The following LINGO2 variants were observed in gnomAD, a reference collection of about 807,000 sequenced individuals.
The protein encoded by LINGO2 is leucine rich repeat and Ig domain containing 2, also known as leucine-rich repeat and immunoglobulin-like domain-containing nogo receptor-interacting protein 2.
Under a neutral mutation model 30.6 loss-of-function variants are expected in LINGO2, and 14 were observed. The ratio of observed to expected loss-of-function variants is 0.46; its 90% confidence interval spans 0.30 to 0.72. The LOEUF is 0.72. LINGO2 is among the 30% of genes least tolerant of loss of function. LINGO2 has a pLI of 0.07. For synonymous variants in LINGO2, 317 were observed against 288.5 expected, an observed-to-expected ratio of 1.10 and a Z score of -1.00; for missense variants, 729 against 751.7, an observed-to-expected ratio of 0.97 and a Z score of 0.35.
intron 4 of LINGO2, among the ~76,000 whole-genome samples, chr9:28,189,308 GAA>G: frequency 1.8e-4 from 8 of 44,234 alleles, no homozygotes; most frequent in African/African-American, 2.8e-4. Flanking sequence ...AGGAAGGGAG[GAA>G]GGAAGGAAGG....
At chr9:29,055,913 A>G in the LINGO2 span, among the ~76,000 whole-genome samples, 1 of 81,968 alleles carries the variant, frequency 1.2e-5, no homozygotes, top group African/African-American at 4.4e-5. Context: ...TTTATGGCCG[A>G]GTAGTATCCC....
intron 3 of LINGO2, among the ~76,000 whole-genome samples, chr9:28,331,276 T>C (rs1825409298): frequency 1.3e-5 from 2 of 152,050 alleles, no homozygotes; most frequent in Admixed American, 6.6e-5. Context: ...ACTTCTATAT[T>C]TTATATGCAA....
chr9:28,787,569 G>T, the LINGO2 span, among the ~76,000 whole-genome samples: 1 of 152,022 alleles, frequency 6.6e-6, no homozygotes, highest in Non-Finnish European at 1.5e-5. Context: ...AAATAACCCT[G>T]CAATGTCTAC....
the LINGO2 span, among the ~76,000 whole-genome samples, chr9:28,861,233 T>A: frequency 8.8e-6 from 1 of 113,548 alleles, no homozygotes; most frequent in Non-Finnish European, 1.7e-5. Context: ...TATAAATATA[T>A]AATATATATT....
At chr9:28,529,556 C>G (rs1019414322) in intron 1 of LINGO2, among the ~76,000 whole-genome samples, 2 of 150,992 alleles carry the variant, frequency 1.3e-5, no homozygotes, top group Non-Finnish European at 2.9e-5. Context: ...AAAGCCCTAA[C>G]TAAACTATTC....
chr9:29,120,759 C>G, the LINGO2 span, among the ~76,000 whole-genome samples: 1 of 152,094 alleles, frequency 6.6e-6, no homozygotes, highest in Admixed American at 6.5e-5. Context: ...TGGACTTGAA[C>G]CAGACCTTAA....
chr9:29,022,995 A>G, the LINGO2 span, among the ~76,000 whole-genome samples: 1 of 150,758 alleles, frequency 6.6e-6, no homozygotes, highest in Non-Finnish European at 1.5e-5. Flanking sequence ...AAAAAAAGAG[A>G]GAAATTATTA....
chr9:28,930,639 A>G, the LINGO2 span, among the ~76,000 whole-genome samples: 3 of 152,290 alleles, frequency 2.0e-5, no homozygotes, highest in Admixed American at 2.0e-4. The surrounding 1 kb of genome is among the most constrained non-coding windows in gnomAD (Gnocchi z 4.2). Flanking sequence ...AGTATCTAAC[A>G]TGATGCTATT....
intron 1 of LINGO2, among the ~76,000 whole-genome samples, chr9:28,487,155 G>T (rs1826202509): frequency 6.6e-6 from 1 of 152,076 alleles, no homozygotes; most frequent in Non-Finnish European, 1.5e-5. Flanking sequence ...ACAGACATTG[G>T]TCCCCATCGG....
chr9:29,199,304 G>C, the LINGO2 span, among the ~76,000 whole-genome samples: 8 of 152,062 alleles, frequency 5.3e-5, no homozygotes, highest in Non-Finnish European at 4.4e-5. Flanking sequence ...AAGCCAGGAA[G>C]TTCAGTCCTA....
chr9:28,018,039 C>T (rs1822928614), intron 4 of LINGO2, among the ~76,000 whole-genome samples: 5 of 151,918 alleles, frequency 3.3e-5, no homozygotes, highest in Admixed American at 2.6e-4. Flanking sequence ...AATAGAGCGC[C>T]TGAAAATAAT....
the LINGO2 span, among the ~76,000 whole-genome samples, chr9:28,835,418 T>C: frequency 6.6e-6 from 1 of 152,194 alleles, no homozygotes; most frequent in South Asian, 2.1e-4. Flanking sequence ...TATAGAAATA[T>C]TAATGAGGCC....
At chr9:28,676,238 C>T in the LINGO2 span, among the ~76,000 whole-genome samples, 1 of 151,486 alleles carries the variant, frequency 6.6e-6, no homozygotes, top group Non-Finnish European at 1.5e-5. Flanking sequence ...TTATATGATG[C>T]CAAATTTTAA....
At chr9:28,799,112 G>C in the LINGO2 span, among the ~76,000 whole-genome samples, 1 of 152,002 alleles carries the variant, frequency 6.6e-6, no homozygotes, top group Non-Finnish European at 1.5e-5. Context: ...GAGAAGTAAA[G>C]ACACTAAGAG....
chr9:28,875,820 T>C, the LINGO2 span, among the ~76,000 whole-genome samples: 1 of 152,148 alleles, frequency 6.6e-6, no homozygotes, highest in Non-Finnish European at 1.5e-5. Context: ...AATGTGTGTG[T>C]TTTAACATAC....
chr9:28,253,527 G>A (rs1822278688), intron 4 of LINGO2, among the ~76,000 whole-genome samples: 1 of 152,116 alleles, frequency 6.6e-6, no homozygotes, highest in South Asian at 2.1e-4. Flanking sequence ...TAAGCTAAAT[G>A]ATTCCTCTTG....
At chr9:28,504,613 G>A (rs1416487641) in intron 1 of LINGO2, among the ~76,000 whole-genome samples, 1 of 151,074 alleles carries the variant, frequency 6.6e-6, no homozygotes, top group African/African-American at 2.4e-5. Flanking sequence ...ACATTTTAAT[G>A]CATTAGCTTC....
At chr9:28,677,737 G>GA in the LINGO2 span, among the ~76,000 whole-genome samples, 2 of 152,024 alleles carry the variant, frequency 1.3e-5, no homozygotes, top group Non-Finnish European at 2.9e-5. Context: ...CTGCTCTAAT[G>GA]AAAAAATCCA....
chr9:28,991,542 C>A, the LINGO2 span, among the ~76,000 whole-genome samples: 3 of 127,494 alleles, frequency 2.4e-5, no homozygotes, highest in African/African-American at 5.7e-5. Flanking sequence ...TCGAGAAGAG[C>A]AACTCCAAGA....
Sources: allele counts gnomAD v4.1 joint callset (sites outside exome capture counted in the v4.1 genomes callset), GRCh38; gene constraint gnomAD v4.1.1; non-coding constraint Gnocchi (gnomAD v3.1); transcripts MANE v1.5; gene names NCBI Gene and HGNC (gene_info 2026-07-23, HGNC 2026-07-21).